ARHGAP15: variants seen among roughly 807,000 people sequenced by gnomAD.
ARHGAP15 encodes the protein rho GTPase-activating protein 15.
A neutral mutation model predicts 63.7 loss-of-function variants in ARHGAP15; 51 were observed. That is an observed-to-expected ratio of 0.80 (90% CI 0.64 to 1.01). The LOEUF (loss-of-function observed/expected upper bound fraction) is 1.01, where lower values mean the gene tolerates loss of function less well. Ranked by LOEUF, ARHGAP15 falls within the 50% of genes least tolerant of loss-of-function variation. The pLI is 0.00. For missense variants in ARHGAP15, 560 were observed against 564.6 expected, an observed-to-expected ratio of 0.99 and a Z score of 0.08; for synonymous variants, 191 against 193.8, an observed-to-expected ratio of 0.99 and a Z score of 0.12.
intron 6 of ARHGAP15, among the ~76,000 whole-genome samples, chr2:143,403,046 G>C (rs531441309): frequency 6.6e-6 from 1 of 151,892 alleles, no homozygotes; most frequent in Non-Finnish European, 1.5e-5. Flanking sequence ...TTAGTAAAAT[G>C]CTAAGCTATA....
intron 3 of ARHGAP15, among the ~76,000 whole-genome samples, chr2:143,213,469 C>T (rs184558088): frequency 2.0e-5 from 3 of 152,202 alleles, no homozygotes; most frequent in Admixed American, 6.5e-5. Context: ...GCCGAGATTG[C>T]GCCATTGCAC....
chr2:143,307,990 G>T (rs560415584), intron 6 of ARHGAP15, among the ~76,000 whole-genome samples: 94 of 152,154 alleles, frequency 6.2e-4, no homozygotes, highest in Non-Finnish European at 1.2e-3. Context: ...TTGATGAAAA[G>T]AATATAATTC....
chr2:143,666,095 G>C (rs1406661765), intron 12 of ARHGAP15, among the ~76,000 whole-genome samples: 5,814 of 147,128 alleles, frequency 0.04, 145 homozygotes, highest in East Asian at 0.099. Context: ...AACCAAAAAA[G>C]AGCCCACATC....
intron 13 of ARHGAP15, among the ~76,000 whole-genome samples, chr2:143,726,937 G>A (rs1253409715): frequency 6.6e-6 from 1 of 152,140 alleles, no homozygotes; most frequent in African/African-American, 2.4e-5. Flanking sequence ...ATAGCACAAA[G>A]GCTGGTCACT....
At chr2:143,258,237 G>A (rs1020852175) in intron 6 of ARHGAP15, among the ~76,000 whole-genome samples, 4 of 146,938 alleles carry the variant, frequency 2.7e-5, no homozygotes, top group African/African-American at 1.0e-4. Flanking sequence ...GGATCTGAAA[G>A]CAAGAGAAAA....
intron 12 of ARHGAP15, among the ~76,000 whole-genome samples, chr2:143,691,190 A>T (rs1425320690): frequency 6.6e-6 from 1 of 151,342 alleles, no homozygotes; most frequent in East Asian, 1.9e-4. Context: ...CACTGTTAGG[A>T]GGAAAAAATT....
chr2:143,623,020 C>T (rs985947043), intron 11 of ARHGAP15, among the ~76,000 whole-genome samples: 5 of 152,138 alleles, frequency 3.3e-5, no homozygotes, highest in Admixed American at 3.3e-4. Context: ...TGACCAAATA[C>T]CTCGGCGCTT....
intron 6 of ARHGAP15, among the ~76,000 whole-genome samples, chr2:143,366,443 C>A (rs1022444531): frequency 6.6e-6 from 1 of 151,970 alleles, no homozygotes; most frequent in African/African-American, 2.4e-5. Context: ...TGCCTAAAAT[C>A]TATTCAAGAT....
chr2:143,537,262 T>G (rs1694819224), intron 10 of ARHGAP15, among the ~76,000 whole-genome samples: 1 of 152,194 alleles, frequency 6.6e-6, no homozygotes, highest in Admixed American at 6.5e-5. Flanking sequence ...GAGTTCATTG[T>G]AGATTCTGGA....
chr2:143,440,076 A>G (rs1689807905), intron 8 of ARHGAP15, among the ~76,000 whole-genome samples: 1 of 152,004 alleles, frequency 6.6e-6, no homozygotes, highest in African/African-American at 2.4e-5. Context: ...TTTGCAATGT[A>G]GGACACAGTT....
At chr2:143,547,754 A>G (rs1332179983) in intron 10 of ARHGAP15, among the ~76,000 whole-genome samples, 1 of 151,104 alleles carries the variant, frequency 6.6e-6, no homozygotes, top group Non-Finnish European at 1.5e-5. Flanking sequence ...AATGTCTGAT[A>G]TCCTACTTAA....
chr2:143,722,041 T>G (rs745644544), intron 13 of ARHGAP15, among the ~76,000 whole-genome samples: 5 of 152,226 alleles, frequency 3.3e-5, no homozygotes, highest in African/African-American at 7.2e-5. Context: ...AGCCTCAGTA[T>G]AGCATTAAAA....
intron 11 of ARHGAP15, chr2:143,608,433 C>T (rs1268994211): frequency 6.6e-6 from 1 of 152,128 alleles, no homozygotes; most frequent in Non-Finnish European, 1.5e-5. Context: ...GTGAAAAAAA[C>T]ATTCTCAAAA....
At chr2:143,488,049 T>C (rs1224179298) in intron 9 of ARHGAP15, among the ~76,000 whole-genome samples, 1 of 152,204 alleles carries the variant, frequency 6.6e-6, no homozygotes, top group Non-Finnish European at 1.5e-5. Flanking sequence ...GTTTTACAAA[T>C]ATATGTAGAG....
intron 6 of ARHGAP15, among the ~76,000 whole-genome samples, chr2:143,324,002 C>T (rs1684144801): frequency 1.4e-5 from 2 of 147,894 alleles, no homozygotes; most frequent in Non-Finnish European, 3.0e-5. Flanking sequence ...TTATAATTAG[C>T]TTTGGAAAAA....
chr2:143,382,494 T>G (rs1272223761), intron 6 of ARHGAP15, among the ~76,000 whole-genome samples: 1 of 152,116 alleles, frequency 6.6e-6, no homozygotes, highest in Non-Finnish European at 1.5e-5. Flanking sequence ...AGTCCAAATT[T>G]CCCTTTTGGT....
intron 6 of ARHGAP15, among the ~76,000 whole-genome samples, chr2:143,319,651 C>A (rs1309276318): frequency 1.3e-5 from 2 of 152,140 alleles, no homozygotes; most frequent in South Asian, 2.1e-4. Flanking sequence ...TTATGAAACT[C>A]TTTTCTGATC....
intron 6 of ARHGAP15, among the ~76,000 whole-genome samples, chr2:143,398,767 A>G (rs1031271095): frequency 1.2e-5 from 1 of 85,408 alleles, no homozygotes; most frequent in Non-Finnish European, 2.2e-5. Flanking sequence ...ATAAATGAAA[A>G]AAATCCTCAT....
chr2:143,756,349 T>G (rs918422071), intron 13 of ARHGAP15, among the ~76,000 whole-genome samples: 1 of 152,214 alleles, frequency 6.6e-6, no homozygotes. Flanking sequence ...ACACTCAAAG[T>G]TCTGTCTAAA....
Sources: allele counts gnomAD v4.1 joint callset (sites outside exome capture counted in the v4.1 genomes callset), GRCh38; gene constraint gnomAD v4.1.1; transcripts MANE v1.5; gene names NCBI Gene and HGNC (gene_info 2026-07-23, HGNC 2026-07-21).